Variants in SERPINI1 observed in about 807,000 individuals in gnomAD.
SERPINI1 encodes serpin family I member 1.
A neutral mutation model predicts 41.1 loss-of-function variants in SERPINI1; 19 were observed. The ratio of observed to expected loss-of-function variants is 0.46; its 90% CI spans 0.32 to 0.68. The LOEUF (loss-of-function observed/expected upper bound fraction) is 0.68, where lower values mean the gene tolerates loss of function less well. SERPINI1 is among the 30% of genes least tolerant of loss of function. SERPINI1 has a pLI of 0.03. For missense variants in SERPINI1, 460 were observed against 479.2 expected (o/e 0.96, Z 0.37); for synonymous variants, 138 against 156.6 (o/e 0.88, Z 0.89).
chr3:167,808,289 A>T (rs2108567833), intron 6 of SERPINI1, among the ~76,000 whole-genome samples: 1 of 76,186 alleles, frequency 1.3e-5, no homozygotes. Context: ...TTTTCAGAGT[A>T]AAAAAAAAAA....
intron 1 of SERPINI1, among the ~76,000 whole-genome samples, chr3:167,747,461 GGTGAAACTCT>G (rs1725893727): frequency 6.6e-6 from 1 of 152,110 alleles, no homozygotes; most frequent in South Asian, 2.1e-4. Flanking sequence ...TGGCTAACAC[GGTGAAACTCT>G]GTTTCTACTG....
intron 1 of SERPINI1, among the ~76,000 whole-genome samples, chr3:167,782,961 C>T (rs555217156): frequency 2.6e-5 from 4 of 152,220 alleles, no homozygotes; most frequent in East Asian, 3.9e-4. Context: ...AGTTGTGCTG[C>T]GTCACAGTAC....
chr3:167,799,692 TC>T (rs745677341), intron 5 of SERPINI1, among the ~76,000 whole-genome samples: 1 of 152,188 alleles, frequency 6.6e-6, no homozygotes, highest in Non-Finnish European at 1.5e-5. Context: ...CTCCACATCC[TC>T]TCCAGCACCT....
chr3:167,817,343 A>G (rs1246502987), intron 6 of SERPINI1, among the ~76,000 whole-genome samples: 1 of 152,154 alleles, frequency 6.6e-6, no homozygotes, highest in Non-Finnish European at 1.5e-5. Flanking sequence ...TTTTTACAGC[A>G]AAGTAAAATA....
chr3:167,794,044 C>A (rs1727631753), intron 4 of SERPINI1, among the ~76,000 whole-genome samples: 1 of 151,924 alleles, frequency 6.6e-6, no homozygotes, highest in African/African-American at 2.4e-5. Context: ...TAATAAAGTG[C>A]CAGGTATTAA....
intron 1 of SERPINI1, among the ~76,000 whole-genome samples, chr3:167,785,994 T>C (rs1272111879): frequency 1.3e-5 from 2 of 152,204 alleles, no homozygotes; most frequent in African/African-American, 4.8e-5. Flanking sequence ...CCGAGTATAC[T>C]TACACAAACC....
intron 8 of SERPINI1, among the ~76,000 whole-genome samples, chr3:167,824,808 CAGGG>C (rs1457514044): frequency 6.6e-6 from 1 of 151,970 alleles, no homozygotes; most frequent in African/African-American, 2.4e-5. Flanking sequence ...GAGTTCCAGG[CAGGG>C]AGGATCACTT....
At chr3:167,783,342 A>G (rs906890855) in intron 1 of SERPINI1, among the ~76,000 whole-genome samples, 2 of 152,212 alleles carry the variant, frequency 1.3e-5, no homozygotes, top group Admixed American at 6.5e-5. Flanking sequence ...CATTGAAAGA[A>G]AAAAGAGTAG....
intron 1 of SERPINI1, among the ~76,000 whole-genome samples, chr3:167,771,928 A>T (rs1397328892): frequency 6.6e-6 from 1 of 152,274 alleles, no homozygotes; most frequent in Non-Finnish European, 1.5e-5. Context: ...AATTAACAGA[A>T]GTGAACCTGA....
chr3:167,764,526 TC>T (rs1726497108), intron 1 of SERPINI1, among the ~76,000 whole-genome samples: 1 of 152,108 alleles, frequency 6.6e-6, no homozygotes, highest in South Asian at 2.1e-4. Context: ...TCCTACTGGG[TC>T]CCTCCCACAA....
At position 167,823,041 on chromosome 3, in the gene SERPINI1, T is replaced by G. The variant is rs1044875919; in HGVS notation, c.1035T>G (p.Asn345Lys). Residue 345 changes from asparagine (N) to lysine (K), a missense_variant, in exon 7 of 9, where the codon AAT becomes AAG. Coordinates refer to ENST00000446050, the MANE Select transcript of SERPINI1 (RefSeq NM_001122752.2). The part of the protein sequence containing the change: ...KAIHKSFLEV[N>K]EEGSEAAAVS... ...TTCACAAGTCCTTCCTAGAGGTTAA[T>G]GAAGAAGGCTCAGAAGCTGCTGCTG... The G allele has an allele frequency of 1.2e-6, 2 of 1,609,908 alleles. No homozygotes were observed. The highest frequency in any genetic ancestry group is 1.3e-5 in the African/African-American group (1 of 74,844).
chr3:167,814,795 A>G (rs1212733078), intron 6 of SERPINI1, among the ~76,000 whole-genome samples: 1 of 152,092 alleles, frequency 6.6e-6, no homozygotes, highest in African/African-American at 2.4e-5. Context: ...CTCTGGGGGA[A>G]CCTAGGGTTT....
At chr3:167,738,434 G>A (rs1372283024) in intron 1 of SERPINI1, among the ~76,000 whole-genome samples, 2 of 152,100 alleles carry the variant, frequency 1.3e-5, no homozygotes, top group African/African-American at 4.8e-5. Context: ...CAGCACAAAA[G>A]AGCAAGACTT....
chr3:167,744,836 ATT>A (rs1491097581), intron 1 of SERPINI1, among the ~76,000 whole-genome samples: 36 of 119,116 alleles, frequency 3.0e-4, no homozygotes, highest in African/African-American at 1.1e-3. Flanking sequence ...TAATATATAT[ATT>A]ATATATAACT....
intron 8 of SERPINI1, 103 bp from the exon 9 acceptor site, chr3:167,825,144 G>A (rs1004844713): frequency 1.2e-6 from 1 of 820,990 alleles, no homozygotes; most frequent in East Asian, 2.5e-5. Context: ...AGGAAGGAAG[G>A]AAGGAGAAAA....
intron 1 of SERPINI1, 116 bp from the exon 2 acceptor site, chr3:167,788,994 AT>A (rs1727402410): frequency 1.1e-6 from 1 of 943,666 alleles, no homozygotes; most frequent in East Asian, 2.6e-5. Context: ...TAGCAGTGTT[AT>A]TTGTTCATTT....
At chr3:167,798,163 G>A (rs1457730283) in intron 5 of SERPINI1, among the ~76,000 whole-genome samples, 1 of 152,072 alleles carries the variant, frequency 6.6e-6, no homozygotes, top group Non-Finnish European at 1.5e-5. Flanking sequence ...TCTAGGTCCT[G>A]TCCACTGAGA....
At chr3:167,774,555 T>G (rs1199373019) in intron 1 of SERPINI1, among the ~76,000 whole-genome samples, 2 of 152,082 alleles carry the variant, frequency 1.3e-5, no homozygotes, top group African/African-American at 2.4e-5. Flanking sequence ...CAGTGACCTG[T>G]TAGGAACCAG....
chr3:167,816,885 C>T (rs1712110792), intron 6 of SERPINI1, among the ~76,000 whole-genome samples: 1 of 151,918 alleles, frequency 6.6e-6, no homozygotes, highest in African/African-American at 2.4e-5. Flanking sequence ...ACAAAGCGTG[C>T]TATGTTGAGG....
Sources: allele counts gnomAD v4.1 joint callset (sites outside exome capture counted in the v4.1 genomes callset), GRCh38; gene constraint gnomAD v4.1.1; transcripts MANE v1.5; gene names NCBI Gene and HGNC (gene_info 2026-07-23, HGNC 2026-07-21).